Variants in RAB3GAP2 observed in about 807,000 individuals in gnomAD.
The protein encoded by RAB3GAP2 is rab3 GTPase-activating protein non-catalytic subunit.
Under a neutral mutation model 185.3 loss-of-function variants are expected in RAB3GAP2, and 87 were observed. The observed-to-expected ratio is 0.47, with a 90% confidence interval of 0.39 to 0.56. RAB3GAP2 has a LOEUF of 0.56. Among genes scored for constraint, RAB3GAP2 ranks in the 20% least tolerant of loss-of-function variants. The pLI, the probability that RAB3GAP2 is intolerant of heterozygous loss-of-function variation, is 0.00. For missense variants in RAB3GAP2, 1,492 were observed against 1,638.2 expected (o/e 0.91, Z 1.54); for synonymous variants, 554 against 576.1 (o/e 0.96, Z 0.55).
chr1:220,157,996 G>T, intron 29 of RAB3GAP2, 120 bp from the exon 30 acceptor site: 1 of 777,304 alleles, frequency 1.3e-6, no homozygotes, highest in East Asian at 2.7e-5. Context: ...TGAATAGACA[G>T]GCAAGAATTT....
At chr1:220,216,905 G>A (rs1420606362) in intron 2 of RAB3GAP2, among the ~76,000 whole-genome samples, 2 of 150,344 alleles carry the variant, frequency 1.3e-5, no homozygotes, top group African/African-American at 4.9e-5. Context: ...TTTCAATAAA[G>A]AATATTGTTC....
At chr1:220,151,793 C>A in intron 33 of RAB3GAP2, 29 bp from the exon 34 acceptor site, 1 of 1,571,592 alleles carries the variant, frequency 6.4e-7, no homozygotes, top group Non-Finnish European at 8.8e-7. Context: ...AGAAATAATA[C>A]AGTCAGAGTG....
At chr1:220,214,946 T>TATATATATATATATA (rs1659158999) in intron 2 of RAB3GAP2, among the ~76,000 whole-genome samples, 1 of 89,620 alleles carries the variant, frequency 1.1e-5, no homozygotes, top group East Asian at 4.6e-4. Flanking sequence ...AATAGTAGCA[T>TATATATATATATATA]TATATATATA....
intron 1 of RAB3GAP2, among the ~76,000 whole-genome samples, chr1:220,245,493 C>T (rs551014181): frequency 6.6e-6 from 1 of 152,234 alleles, no homozygotes; most frequent in Non-Finnish European, 1.5e-5. Flanking sequence ...GAGATTATAT[C>T]CCACACCTGG....
intron 1 of RAB3GAP2, among the ~76,000 whole-genome samples, chr1:220,265,614 T>G (rs1660214371): frequency 6.6e-6 from 1 of 152,094 alleles, no homozygotes; most frequent in Admixed American, 6.5e-5. Context: ...GGACCTATAC[T>G]CCACCCATCC....
In RAB3GAP2 at chr1:220,162,216, A is replaced by C; in HGVS notation, c.3207T>G (p.Ala1069=). The C allele has an allele frequency of 6.3e-7, 1 of 1,585,428 alleles. No individual in the cohort carries two copies. The highest frequency in any genetic ancestry group is 2.2e-5 in the East Asian group (1 of 44,558). ...NTFLVKRFSA[A]TYLMDKVGKS... is the part of the protein sequence containing the mutation. Reference sequence around the variant, plus strand: ...ACCTTACCTTATCCATTAAGTATGTAGCAGCAGAAAATCTTTTAACTAAGA... The same window carrying C: ...ACCTTACCTTATCCATTAAGTATGTCGCAGCAGAAAATCTTTTAACTAAGA... The change falls in exon 28 of 35, where the codon GCT becomes GCG. Residue 1069 remains alanine, a synonymous_variant. Coordinates refer to ENST00000358951, the MANE Select transcript of RAB3GAP2 (RefSeq NM_012414.4).
In RAB3GAP2 at chr1:220,253,791, A is replaced by G; in HGVS notation, c.115+18432T>C. The G allele has an allele frequency of 3.1e-6, 5 of 1,612,054 alleles. No homozygotes were observed. In the South Asian group the frequency reaches 5.5e-5, roughly 18 times the overall value. On this transcript the variant is annotated intron_variant, in intron 1 of 34. Transcript: ENST00000358951. ...TGGACACCAATTTGCAGAAACAGCG[A>G]GAACTTCAAAAAGCCAATCAGGAGC...
In RAB3GAP2 at chr1:220,153,234, T is replaced by C. The variant is rs370057302; in HGVS notation, c.3818A>G (p.His1273Arg). 24 of 1,614,030 alleles carry C rather than the reference T, an allele frequency of 1.5e-5. No homozygotes were observed. The highest frequency in any genetic ancestry group is 1.9e-5 in the Non-Finnish European group (22 of 1,179,990). Reference protein sequence around the residue: ...LQVSEDVVRRHYVGELYNYGV... With the variant: ...LQVSEDVVRRRYVGELYNYGV... Reference sequence around the variant, plus strand: ...ATAGTTGTATAGTTCCCCCACATAATGCCTTCTAACAACATCTTCACTAAC... The same window carrying C: ...ATAGTTGTATAGTTCCCCCACATAACGCCTTCTAACAACATCTTCACTAAC... Residue 1273 changes from histidine to arginine, a missense_variant, in exon 33 of 35, where the codon CAT becomes CGT. His to Arg is a conservative substitution (Grantham distance 29). Transcript: ENST00000358951.
intron 3 of RAB3GAP2, 115 bp downstream of exon 3, chr1:220,213,741 G>GGGA (rs1659128454): frequency 2.0e-6 from 2 of 993,218 alleles, no homozygotes; most frequent in African/African-American, 4.8e-5. Context: ...TTGGGGGGGG[G>GGGA]GGGAGAGAGA....
intron 2 of RAB3GAP2, among the ~76,000 whole-genome samples, chr1:220,214,944 C>CA (rs535905599): frequency 0.067 from 1,932 of 28,892 alleles, 43 homozygotes; most frequent in South Asian, 0.27. Context: ...AGAATAGTAG[C>CA]ATTATATATA....
chr1:220,162,696 G>C (rs1260076831), intron 27 of RAB3GAP2, among the ~76,000 whole-genome samples: 2 of 152,186 alleles, frequency 1.3e-5, no homozygotes, highest in South Asian at 2.1e-4. Flanking sequence ...CTGCTGGGTG[G>C]TAGCTACTGA....
At chr1:220,229,117 T>C (rs747679217) in intron 2 of RAB3GAP2, among the ~76,000 whole-genome samples, 7 of 152,240 alleles carry the variant, frequency 4.6e-5, no homozygotes, top group Admixed American at 2.6e-4. Context: ...TTAACACTTA[T>C]GCATTCTAAC....
intron 21 of RAB3GAP2, among the ~76,000 whole-genome samples, chr1:220,173,129 G>T (rs1323710428): frequency 3.9e-5 from 6 of 152,234 alleles, no homozygotes; most frequent in African/African-American, 1.4e-4. Context: ...ATCTGTAGCT[G>T]TGGATCTTAG....
rs1187011731 is a variant in RAB3GAP2, at chr1:220,172,707, C to G, written c.2346G>C (p.Lys782Asn). ...TTGACTGTGGTTTATCCAAAATATC[C>G]TTTTCCTTTGAAAGCCAAACACTCA... ...LLLSVWLSKE[K>N]DILDKPQSIC... is the part of the protein sequence containing the mutation. The change falls in exon 22 of 35, where the codon AAG (lysine) becomes AAC (asparagine). Residue 782 changes from lysine to asparagine, a missense_variant. Physicochemically the swap from Lys to Asn is moderately conservative, Grantham distance 94. This residue lies in a region of RAB3GAP2 where 681 missense variants were observed against 689.1 expected (regional missense o/e 0.99). Transcript: ENST00000358951. The G allele has an allele frequency of 6.2e-7, 1 of 1,613,098 alleles. No individual in the cohort carries two copies. The highest frequency in any genetic ancestry group is 8.5e-7 in the Non-Finnish European group (1 of 1,179,108).
At chr1:220,161,424 AAC>A (rs2102854012) in intron 28 of RAB3GAP2, among the ~76,000 whole-genome samples, 1 of 152,258 alleles carries the variant, frequency 6.6e-6, no homozygotes, top group African/African-American at 2.4e-5. Context: ...TGGCCTGTAA[AAC>A]ACACTAACTA....
At chr1:220,170,362 C>A (rs1658150713) in intron 24 of RAB3GAP2, among the ~76,000 whole-genome samples, 2 of 151,962 alleles carry the variant, frequency 1.3e-5, no homozygotes, top group African/African-American at 4.8e-5. Context: ...CACGTGTATA[C>A]CTATGTAACA....
At chr1:220,254,225 C>T (rs771877546) in intron 1 of RAB3GAP2, 2 of 1,613,464 alleles carry the variant, frequency 1.2e-6, no homozygotes, top group Admixed American at 1.7e-5. Flanking sequence ...GAAGTTGTGG[C>T]AGGGATAAAA....
At chr1:220,211,793 T>C (rs1659089733) in intron 4 of RAB3GAP2, among the ~76,000 whole-genome samples, 1 of 152,226 alleles carries the variant, frequency 6.6e-6, no homozygotes, top group South Asian at 2.1e-4. Flanking sequence ...ATCTTCGTGT[T>C]TGTTCACTGT....
intron 26 of RAB3GAP2, among the ~76,000 whole-genome samples, chr1:220,166,456 T>A (rs999549660): frequency 4.6e-5 from 7 of 152,224 alleles, no homozygotes; most frequent in Admixed American, 3.3e-4. Flanking sequence ...ATTTACAATA[T>A]GTTTTTATAT....
Sources: gnomAD v4.1 joint callset for allele counts (sites outside exome capture counted in the v4.1 genomes callset) on GRCh38, gnomAD v4.1.1 for gene constraint, gnomAD v4.1.1 regional missense constraint, MANE v1.5 for transcripts, NCBI Gene and HGNC (gene_info 2026-07-23, HGNC 2026-07-21) for gene names.